Variants in RAD9B observed in about 807,000 individuals in gnomAD.
RAD9B encodes RAD9 checkpoint clamp component B.
RAD9B carries 41 observed loss-of-function variants against 48.3 expected under a neutral mutation model. That is an observed-to-expected ratio of 0.85 (90% CI 0.66 to 1.10). RAD9B has a LOEUF of 1.10. Ranked by LOEUF, RAD9B falls within the 50% of genes least tolerant of loss-of-function variation. The probability of loss-of-function intolerance (pLI) is 0.00; values close to 1 mark genes in which losing one functional copy is unlikely to be tolerated. For missense variants in RAD9B, 444 were observed against 485.1 expected (o/e 0.92, Z 0.80); for synonymous variants, 160 against 157.9 (o/e 1.01, Z -0.10).
intron 9 of RAD9B, among the ~76,000 whole-genome samples, chr12:110,521,555 C>CTTTT (rs577675171): frequency 2.4e-5 from 3 of 126,604 alleles, no homozygotes; most frequent in East Asian, 2.2e-4. Flanking sequence ...AAACATAATT[C>CTTTT]TTTTTTTTTT....
chr12:110,508,169 A>G (rs1565880589), intron 4 of RAD9B: 2 of 169,214 alleles, frequency 1.2e-5, no homozygotes, highest in African/African-American at 4.8e-5. Flanking sequence ...TTCTCCACTT[A>G]TTAGTTTTGG....
chr12:110,523,882 T>A (rs1593103884), intron 10 of RAD9B, among the ~76,000 whole-genome samples: 1 of 152,244 alleles, frequency 6.6e-6, no homozygotes, highest in African/African-American at 2.4e-5. Flanking sequence ...TTTGCCTTAA[T>A]GTGGCAAACT....
intron 5 of RAD9B, among the ~76,000 whole-genome samples, chr12:110,513,743 A>T (rs2063531747): frequency 6.8e-6 from 1 of 146,530 alleles, no homozygotes; most frequent in Non-Finnish European, 1.5e-5. Flanking sequence ...ATTATTTTTG[A>T]GACAGAGTCT....
Position 110,508,983 on chromosome 12 carries a change from A to G in RAD9B, c.388+2290A>G, listed in dbSNP as rs190175058. 6.8e-3 allele frequency among the ~76,000 whole-genome samples: 1,035 copies of G among 151,264 alleles called. 1 individual carries two copies. The highest frequency in any genetic ancestry group is 9.4e-3 in the Non-Finnish European group (634 of 67,806). ...CTAATTTTTTTATTTTAATTTTTTT[A>G]AGACGGAGTCTGGTTCTGTCGCCCA... On this transcript the variant is annotated intron_variant, in intron 4 of 10. Coordinates refer to ENST00000409300, the MANE Select transcript of RAD9B (RefSeq NM_001286535.2).
At chr12:110,530,008 T>C (rs1019264416) in intron 10 of RAD9B, among the ~76,000 whole-genome samples, 7 of 152,034 alleles carry the variant, frequency 4.6e-5, no homozygotes, top group South Asian at 2.1e-4. Context: ...AAACTGAAGA[T>C]TGTCATGTGC....
chr12:110,532,600 T>C lies in RAD9B; in HGVS notation c.*1947T>C, dbSNP rs2064168319. On this transcript the variant is annotated 3_prime_UTR_variant, in exon 11 of 11. Coordinates refer to ENST00000409300, the MANE Select transcript of RAD9B (RefSeq NM_001286535.2). ...TTGGATACAGAGTGCTAAGCTGAAA[T>C]ACAGTCATGTGCTGCATAACAACGT... 6.6e-6 allele frequency among the ~76,000 whole-genome samples: 1 copy of C among 152,196 alleles called. No individual in the cohort carries two copies. Among genetic ancestry groups the C allele is most frequent in the South Asian group, 2.1e-4 (1 of 4,832 alleles).
rs1460931096 is a variant in RAD9B, at chr12:110,515,107, T to C, written c.546T>C (p.Ala182=). 2.9e-5 allele frequency: 45 copies of C among 1,556,886 alleles called. No homozygotes were observed. The highest frequency in any genetic ancestry group is 3.7e-5 in the Non-Finnish European group (43 of 1,148,798). Residue 182 remains alanine (A), a synonymous_variant, in exon 6 of 11, where the codon GCT becomes GCC. Transcript: ENST00000409300. ...CAAGTCAAGAGGAAGTTACTCTTGC[T>C]GTTACTCCACTGAATTTTTGCCTCA... ...FTSSQEEVTL[A]VTPLNFCLKS... is the part of the protein sequence containing the mutation.
At chr12:110,513,157 G>A (rs1565886324) in intron 5 of RAD9B, among the ~76,000 whole-genome samples, 1 of 151,756 alleles carries the variant, frequency 6.6e-6, no homozygotes, top group Non-Finnish European at 1.5e-5. Flanking sequence ...TAATAGAGAC[G>A]GGGGGTTTTA....
intron 10 of RAD9B, among the ~76,000 whole-genome samples, chr12:110,530,057 T>A (rs184211261): frequency 2.3e-4 from 35 of 152,244 alleles, no homozygotes; most frequent in Middle Eastern, 3.4e-3. Context: ...TTTGTTTAAT[T>A]TTTTGAGATG....
chr12:110,513,558 G>A lies in RAD9B; in HGVS notation c.488+680G>A, dbSNP rs2063524061. On this transcript the variant is annotated intron_variant, in intron 5 of 10. Coordinates refer to ENST00000409300, the MANE Select transcript of RAD9B (RefSeq NM_001286535.2). ...GTTTTTTCCTCTAGATAATGAGTAAGGCATATATGTCTTGAAATTTGAAAC... is the reference window on the plus strand; with the variant it reads ...GTTTTTTCCTCTAGATAATGAGTAAAGCATATATGTCTTGAAATTTGAAAC... Among the ~76,000 whole-genome samples the A allele has an allele frequency of 2.0e-5, 3 of 151,832 alleles. No individual in the cohort carries two copies. The South Asian group carries it at 6.2e-4, about 32-fold the overall frequency.
chr12:110,524,555 C>T (rs768152611), intron 10 of RAD9B, among the ~76,000 whole-genome samples: 1 of 151,862 alleles, frequency 6.6e-6, no homozygotes, highest in Non-Finnish European at 1.5e-5. Flanking sequence ...GAGCAAGACT[C>T]CGTCTCAAAA....
intron 2 of RAD9B, among the ~76,000 whole-genome samples, chr12:110,505,354 T>C (rs1346748527): frequency 6.6e-6 from 1 of 152,164 alleles, no homozygotes; most frequent in East Asian, 1.9e-4. Context: ...CATCCCATGT[T>C]CTTATTTGAA....
At chr12:110,505,185 G>GTA (rs577881160) in intron 2 of RAD9B, among the ~76,000 whole-genome samples, 78 of 151,834 alleles carry the variant, frequency 5.1e-4, no homozygotes, top group African/African-American at 1.7e-3. Context: ...CTATATGTAT[G>GTA]TATATATATA....
rs2063809398 is a variant in RAD9B at position 110,522,271 on chromosome 12, AAGGAGACTCTC to A, written c.987_997del (p.Lys329AsnfsTer23). On this transcript the variant is annotated frameshift_variant, in exon 10 of 11. Transcript: ENST00000409300. LOFTEE classifies it high-confidence loss of function. ...AGCAGCACCAAGAAGGCTTTATCCT[AAGGAGACTCTC>A]ACAAACATATCTGCATTGGAAAACT... The A allele has an allele frequency of 6.2e-7, 1 of 1,612,998 alleles. No homozygotes were observed. The highest frequency in any genetic ancestry group is 8.5e-7 in the Non-Finnish European group (1 of 1,179,592).
intron 10 of RAD9B, among the ~76,000 whole-genome samples, chr12:110,529,032 G>A (rs542425581): frequency 1.3e-5 from 2 of 150,582 alleles, no homozygotes; most frequent in South Asian, 4.2e-4. Context: ...CGGGCCTGGA[G>A]AAGCTTTTTT....
chr12:110,502,408 C>T, intron 1 of RAD9B, 25 bp downstream of exon 1: 2 of 1,612,444 alleles, frequency 1.2e-6, no homozygotes, highest in Non-Finnish European at 1.7e-6. Context: ...GTTGTCTTCC[C>T]ATTTAGCAGA....
Position 110,522,268 on chromosome 12 carries a change from C to G in RAD9B, c.982C>G (p.Pro328Ala). The G allele has an allele frequency of 1.9e-6, 3 of 1,612,876 alleles. No individual in the cohort carries two copies. Among genetic ancestry groups the G allele is most frequent in the Non-Finnish European group, 2.5e-6 (3 of 1,179,496 alleles). ...AAAAGCAGCACCAAGAAGGCTTTAT[C>G]CTAAGGAGACTCTCACAAACATATC... is the stretch of plus-strand genomic sequence containing the variant. Reference protein sequence around the residue: ...SKKAAPRRLYPKETLTNISAL... With the variant: ...SKKAAPRRLYAKETLTNISAL... Residue 328 changes from proline to alanine, a missense_variant, in exon 10 of 11, where the codon CCT becomes GCT. Physicochemically the swap from Pro to Ala is conservative, Grantham distance 27 (BLOSUM62 -1). Transcript: ENST00000409300.
chr12:110,519,363 C>A (rs1565893402), intron 8 of RAD9B, among the ~76,000 whole-genome samples: 1 of 152,046 alleles, frequency 6.6e-6, no homozygotes, highest in Non-Finnish European at 1.5e-5. Flanking sequence ...CTCGGCCTCC[C>A]AAAGTGCTGG....
At chr12:110,512,933 G>A (rs1254086639) in intron 5 of RAD9B, 55 bp downstream of exon 5, 1 of 856,686 alleles carries the variant, frequency 1.2e-6, no homozygotes, top group East Asian at 2.6e-5. Context: ...TGATCATGGA[G>A]TGAAGAATCA....
Sources: gnomAD v4.1 joint callset for allele counts (sites outside exome capture counted in the v4.1 genomes callset) on GRCh38, gnomAD v4.1.1 for gene constraint, MANE v1.5 for transcripts, NCBI Gene and HGNC (gene_info 2026-07-23, HGNC 2026-07-21) for gene names.